Variants in CYBRD1 observed in about 807,000 individuals in gnomAD.
The protein encoded by CYBRD1 is cytochrome b reductase 1, also known as plasma membrane ascorbate-dependent reductase CYBRD1.
Under a neutral mutation model 21.9 loss-of-function variants are expected in CYBRD1, and 14 were observed. The ratio of observed to expected loss-of-function variants is 0.64; its 90% CI spans 0.42 to 1.00. The LOEUF is 1.00. Among genes scored for constraint, CYBRD1 ranks in the 50% least tolerant of loss-of-function variants. The probability of loss-of-function intolerance (pLI) is 0.00; values close to 1 mark genes in which losing one functional copy is unlikely to be tolerated. For synonymous variants in CYBRD1, 146 were observed against 136.5 expected (o/e 1.07, Z -0.48); for missense variants, 328 against 352.5 (o/e 0.93, Z 0.56).
chr2:171,552,785 T>C (rs1683401408), intron 2 of CYBRD1, among the ~76,000 whole-genome samples: 2 of 152,348 alleles, frequency 1.3e-5, no homozygotes, highest in South Asian at 4.1e-4. Context: ...CATTTCTTTC[T>C]CATAAAACAA....
intron 2 of CYBRD1, among the ~76,000 whole-genome samples, chr2:171,551,907 C>T (rs1175224445): frequency 6.6e-6 from 1 of 152,030 alleles, no homozygotes; most frequent in East Asian, 1.9e-4. Flanking sequence ...GTTTTATAAT[C>T]TTATGTGATT....
chr2:171,545,040 G>A (rs1048208731), intron 2 of CYBRD1, among the ~76,000 whole-genome samples: 3 of 151,334 alleles, frequency 2.0e-5, no homozygotes, highest in Admixed American at 2.0e-4. Context: ...TCAGAAGGCT[G>A]AGATAGGAGG....
chr2:171,543,136 T>C (rs539728843), intron 2 of CYBRD1, among the ~76,000 whole-genome samples: 1 of 152,272 alleles, frequency 6.6e-6, no homozygotes, highest in South Asian at 2.1e-4. Flanking sequence ...ACAACATAAA[T>C]TTATGACCTC....
chr2:171,550,112 G>T (rs113773977), intron 2 of CYBRD1, among the ~76,000 whole-genome samples: 1 of 151,840 alleles, frequency 6.6e-6, no homozygotes. Context: ...TTTTTTTGTT[G>T]TTGTTGTTTT....
At chr2:171,536,984 T>C (rs1031612396) in intron 1 of CYBRD1, among the ~76,000 whole-genome samples, 1 of 152,236 alleles carries the variant, frequency 6.6e-6, no homozygotes. Flanking sequence ...ATATTAATTT[T>C]AAACCATGAA....
At chr2:171,545,373 A>G (rs1574441444) in intron 2 of CYBRD1, among the ~76,000 whole-genome samples, 2 of 134,636 alleles carry the variant, frequency 1.5e-5, no homozygotes, top group African/African-American at 2.9e-5. Context: ...TGAGATGAAT[A>G]TACCTTTTTT....
At chr2:171,530,958 C>T (rs948533037) in intron 1 of CYBRD1, among the ~76,000 whole-genome samples, 2 of 151,876 alleles carry the variant, frequency 1.3e-5, no homozygotes, top group African/African-American at 4.8e-5. Flanking sequence ...GGGAGACAAG[C>T]CTGGGCAACA....
At chr2:171,545,216 A>G (rs2105342021) in intron 2 of CYBRD1, among the ~76,000 whole-genome samples, 1 of 152,058 alleles carries the variant, frequency 6.6e-6, no homozygotes, top group Admixed American at 6.5e-5. Flanking sequence ...AAAAAGAATT[A>G]ATAAATAAAA....
Position 171,522,975 on chromosome 2 carries a change from C to G in CYBRD1, c.193+237C>G. 1.8e-6 allele frequency: 1 copy of G among 562,008 alleles called. No homozygotes were observed. Among genetic ancestry groups the G allele is most frequent in the Non-Finnish European group, 3.0e-6 (1 of 336,374 alleles). The allele number at this position is 562,008 out of a possible 1,614,324, so 34.8% of individuals were successfully genotyped here. ...CGCCGCGAGCGCGGGGCCGGGGGTG[C>G]GCGGTGGAGACGCGCTGCTGGGGGC... On this transcript the variant is annotated intron_variant, in intron 1 of 3. Coordinates refer to ENST00000321348, the MANE Select transcript of CYBRD1 (RefSeq NM_024843.4). This position sits in a 1 kb window ranked among gnomAD's most constrained non-coding sequence, Gnocchi z 4.3.
At chr2:171,524,286 G>GA (rs1053718802) in intron 1 of CYBRD1, among the ~76,000 whole-genome samples, 3 of 152,036 alleles carry the variant, frequency 2.0e-5, no homozygotes, top group African/African-American at 7.2e-5. Context: ...ATGCTTATAA[G>GA]AAAAAAACAT....
chr2:171,546,152 A>G (rs897978749), intron 2 of CYBRD1, among the ~76,000 whole-genome samples: 8 of 152,320 alleles, frequency 5.3e-5, no homozygotes, highest in Non-Finnish European at 1.2e-4. Flanking sequence ...GCTCAGATCC[A>G]GAGGACAGGT....
intron 2 of CYBRD1, among the ~76,000 whole-genome samples, chr2:171,545,468 T>G (rs1361076237): frequency 2.0e-5 from 3 of 147,472 alleles, no homozygotes; most frequent in Non-Finnish European, 4.5e-5. Flanking sequence ...AACACCTGCC[T>G]CCTAGGCTCA....
chr2:171,553,587 C>A, intron 3 of CYBRD1, 87 bp downstream of exon 3: 3 of 1,219,968 alleles, frequency 2.5e-6, no homozygotes. Context: ...AAAAATATAA[C>A]AAAATTTTTT....
intron 1 of CYBRD1, among the ~76,000 whole-genome samples, chr2:171,526,131 GT>G (rs1409705779): frequency 6.6e-6 from 1 of 152,040 alleles, no homozygotes; most frequent in Non-Finnish European, 1.5e-5. Context: ...GCTGGGCGTG[GT>G]GGCAGGCACC....
At chr2:171,537,151 GTGTT>G (rs1435312180) in intron 1 of CYBRD1, among the ~76,000 whole-genome samples, 3 of 152,292 alleles carry the variant, frequency 2.0e-5, no homozygotes, top group East Asian at 3.9e-4. Context: ...TTGTGTGTGT[GTGTT>G]TGTGTGTCTG....
intron 1 of CYBRD1, among the ~76,000 whole-genome samples, chr2:171,538,524 AT>A (rs1228746646): frequency 2.6e-5 from 4 of 152,248 alleles, no homozygotes; most frequent in African/African-American, 9.6e-5. Context: ...TCAAGGAAGT[AT>A]AACCAATCGA....
intron 1 of CYBRD1, among the ~76,000 whole-genome samples, chr2:171,526,336 CCTT>C (rs1242922639): frequency 6.6e-6 from 1 of 152,060 alleles, no homozygotes; most frequent in Non-Finnish European, 1.5e-5. Flanking sequence ...ATCTCCCTCT[CCTT>C]CTTTATTCCC....
At chr2:171,522,334 C>A (rs998887785), upstream of CYBRD1, 2 of 1,521,400 alleles carry the variant, frequency 1.3e-6, no homozygotes, top group Admixed American at 4.4e-5. The surrounding 1 kb of genome is among the most constrained non-coding windows in gnomAD (Gnocchi z 4.3). Context: ...GCCGCGTGAT[C>A]CCGGGGGTGG....
rs1175756259 is a variant in CYBRD1 at position 171,556,891 on chromosome 2, T to C, written c.*2064T>C. ...ATAGAGGAACACAAAATTCCAGGGT[T>C]TTTGGAGGAAGGGATTAGATAGTGA... On this transcript the variant is annotated 3_prime_UTR_variant, in exon 4 of 4. Coordinates refer to ENST00000321348, the MANE Select transcript of CYBRD1 (RefSeq NM_024843.4). The C allele has an allele frequency of 2.0e-5, 3 of 152,350 alleles. No homozygotes were observed. Among genetic ancestry groups the C allele is most frequent in the African/African-American group, 7.2e-5 (3 of 41,410 alleles). The allele number at this position is 152,350 out of a possible 1,614,324, so 9.4% of individuals were successfully genotyped here.
Sources: gnomAD v4.1 joint callset for allele counts (sites outside exome capture counted in the v4.1 genomes callset) on GRCh38, gnomAD v4.1.1 for gene constraint, Gnocchi (gnomAD v3.1) non-coding constraint, MANE v1.5 for transcripts, NCBI Gene and HGNC (gene_info 2026-07-23, HGNC 2026-07-21) for gene names.